Variants in ASB14 observed in about 807,000 individuals in gnomAD.
The protein encoded by ASB14 is ankyrin repeat and SOCS box protein 14.
A neutral mutation model predicts 55.6 loss-of-function variants in ASB14; 63 were observed. That is an observed-to-expected ratio of 1.13 (90% CI 0.92 to 1.40). ASB14 has a LOEUF of 1.40. Ranked by LOEUF, ASB14 falls within the 40% of genes most tolerant of loss-of-function variation. ASB14 has a pLI of 0.00. For missense variants in ASB14, 724 were observed against 710.4 expected, an observed-to-expected ratio of 1.02 and a Z score of -0.22; for synonymous variants, 256 against 259.9, an observed-to-expected ratio of 0.98 and a Z score of 0.15.
intron 5 of ASB14, among the ~76,000 whole-genome samples, chr3:57,287,022 G>T (rs2061085925): frequency 6.6e-6 from 1 of 151,842 alleles, no homozygotes; most frequent in Non-Finnish European, 1.5e-5. Flanking sequence ...TTCTAATTTT[G>T]CTAACATCTT....
rs11323278 is a variant in ASB14, at chr3:57,275,451, C to CA, written c.*22+1076dup. 2.5e-3 allele frequency among the ~76,000 whole-genome samples: 285 copies of CA among 114,428 alleles called. 1 individual carries two copies. The highest frequency in any genetic ancestry group is 0.011 in the East Asian group (31 of 2,846). The allele number at this position is 114,428 out of a possible 152,430, so 75.1% of individuals were successfully genotyped here. On this transcript the variant is annotated intron_variant, in intron 10 of 10. Coordinates refer to ENST00000487349, the MANE Select transcript of ASB14 (RefSeq NM_001142733.3). ...TGGGTGACAGGACAAGACTCCATCT[C>CA]AAAAAAAAAAAAAAAAAAGTATTAA...
intron 10 of ASB14, chr3:57,269,845 A>C: frequency 1.2e-6 from 1 of 856,700 alleles, no homozygotes; most frequent in Non-Finnish European, 1.7e-6. Context: ...GAACTTGATG[A>C]CTTAGGTTTG....
intron 1 of ASB14, 122 bp from the exon 2 acceptor site, chr3:57,292,226 T>G: frequency 1.6e-6 from 1 of 632,416 alleles, no homozygotes; most frequent in Non-Finnish European, 2.4e-6. Flanking sequence ...TAAAAAAGTT[T>G]TGTGGACTGC....
intron 7 of ASB14, among the ~76,000 whole-genome samples, chr3:57,279,982 C>G (rs2061025571): frequency 6.6e-6 from 1 of 151,784 alleles, no homozygotes. Context: ...TAAACCTGTA[C>G]TAAATAAATG....
chr3:57,274,104 A>ATAATT (rs1280100935), intron 10 of ASB14, among the ~76,000 whole-genome samples: 6 of 152,186 alleles, frequency 3.9e-5, no homozygotes, highest in Admixed American at 3.9e-4. Context: ...AACTATAAAA[A>ATAATT]TAATTTAAAG....
chr3:57,279,532 C>G (rs904510798), intron 7 of ASB14, among the ~76,000 whole-genome samples: 2 of 151,914 alleles, frequency 1.3e-5, no homozygotes, highest in Admixed American at 6.6e-5. Context: ...AACCCCATCT[C>G]TACTAAAAAT....
Position 57,289,118 on chromosome 3 carries a change from T to C in ASB14, c.128A>G (p.His43Arg), listed in dbSNP as rs2061107778. ...CTTATAGTCAGCGCTCAAAAAGGAA[T>C]GCAAACTGCAAAGAAAAAAATACAT... The part of the protein sequence containing the change: ...AQHAPKDESL[H>R]SFLSADYKKI... Residue 43 changes from histidine (H) to arginine (R), a missense_variant, in exon 3 of 11, where the codon CAT becomes CGT. Coordinates refer to ENST00000487349, the MANE Select transcript of ASB14 (RefSeq NM_001142733.3). 7 of 1,526,410 alleles carry C rather than the reference T, an allele frequency of 4.6e-6. No homozygotes were observed. The highest frequency in any genetic ancestry group is 6.2e-6 in the Non-Finnish European group (7 of 1,137,292). 94.6% of individuals were successfully genotyped at this position (1,526,410 alleles called of 1,614,324 possible). A position where few individuals can be genotyped will look rare whatever the true frequency, so the allele number is the denominator to read the frequency against.
intron 10 of ASB14, among the ~76,000 whole-genome samples, chr3:57,274,280 C>T (rs558346133): frequency 4.6e-5 from 7 of 152,260 alleles, no homozygotes; most frequent in Admixed American, 1.3e-4. Flanking sequence ...TGAAAATGGA[C>T]GATATCATTC....
intron 5 of ASB14, among the ~76,000 whole-genome samples, chr3:57,286,280 T>G (rs1046175079): frequency 1.3e-5 from 2 of 152,128 alleles, no homozygotes; most frequent in Non-Finnish European, 2.9e-5. Flanking sequence ...TTGTCTTTTT[T>G]TTTTTCAGCT....
Position 57,269,464 on chromosome 3 carries a change from A to G in ASB14, c.*177T>C, listed in dbSNP as rs1173004370. 1 of 1,492,850 alleles carries G rather than the reference A, an allele frequency of 6.7e-7. No homozygotes were observed. The highest frequency in any genetic ancestry group is 9.1e-7 in the Non-Finnish European group (1 of 1,097,654). 92.5% of individuals were successfully genotyped at this position (1,492,850 alleles called of 1,614,324 possible). ...TTTATGACAGAAGAAGTGGCTCTCA[A>G]GAATGTATCTTAACTGCATAATTTG... On this transcript the variant is annotated 3_prime_UTR_variant, in exon 11 of 11. Coordinates refer to ENST00000487349, the MANE Select transcript of ASB14 (RefSeq NM_001142733.3).
intron 10 of ASB14, chr3:57,269,868 T>C: frequency 3.0e-6 from 2 of 670,670 alleles, no homozygotes; most frequent in South Asian, 5.0e-5. Flanking sequence ...TTGATCTTTT[T>C]TCCCCCTTAA....
chr3:57,276,446 T>A, intron 10 of ASB14, 82 bp downstream of exon 10: 2 of 1,012,152 alleles, frequency 2.0e-6, no homozygotes, highest in Non-Finnish European at 1.4e-6. Flanking sequence ...TAGACTGCAT[T>A]GAGATTTTAG....
At chr3:57,280,840 A>G (rs2107623804) in intron 6 of ASB14, among the ~76,000 whole-genome samples, 1 of 152,330 alleles carries the variant, frequency 6.6e-6, no homozygotes, top group East Asian at 1.9e-4. Flanking sequence ...TAACAAATCT[A>G]TCAAACTATA....
intron 6 of ASB14, among the ~76,000 whole-genome samples, chr3:57,281,828 C>T (rs188059297): frequency 1.2e-3 from 185 of 152,264 alleles, no homozygotes; most frequent in Middle Eastern, 3.4e-3. Context: ...CATGTTGCCA[C>T]TCTAGCAATG....
rs550795726 is a variant in ASB14, at chr3:57,278,462, C to T, written c.1346G>A (p.Arg449Gln). The T allele has an allele frequency of 6.2e-6, 10 of 1,614,182 alleles. No homozygotes were observed. Among genetic ancestry groups the T allele is most frequent in the East Asian group, 2.2e-5 (1 of 44,880 alleles). ...MLLNYGYDTE[R>Q]CFDCPHGDKV... ...GTCTCCATGTGGGCAATCAAAACAT[C>T]GCTCTGTGTCATACCCATAGTTCAG... The change falls in exon 8 of 11, where the codon CGA becomes CAA. Residue 449 changes from arginine (R) to glutamine (Q), a missense_variant. Coordinates refer to ENST00000487349, the MANE Select transcript of ASB14 (RefSeq NM_001142733.3).
intron 2 of ASB14, among the ~76,000 whole-genome samples, chr3:57,291,430 G>T (rs2061127308): frequency 6.6e-6 from 1 of 151,848 alleles, no homozygotes; most frequent in South Asian, 2.1e-4. Flanking sequence ...TTTCAGTGTT[G>T]TCCAACAAAA....
chr3:57,281,249 C>A (rs1379614328), intron 6 of ASB14, among the ~76,000 whole-genome samples: 4 of 151,582 alleles, frequency 2.6e-5, no homozygotes, highest in African/African-American at 7.3e-5. Flanking sequence ...TTAACTTACA[C>A]CCTGTATGTT....
At chr3:57,283,660 GTAAT>G (rs1166793843) in intron 5 of ASB14, among the ~76,000 whole-genome samples, 2 of 152,080 alleles carry the variant, frequency 1.3e-5, no homozygotes, top group African/African-American at 4.8e-5. Context: ...TAAGCCATGA[GTAAT>G]TATTCATTGC....
chr3:57,289,550 A>T (rs1372038388), intron 2 of ASB14, among the ~76,000 whole-genome samples: 4 of 152,124 alleles, frequency 2.6e-5, no homozygotes, highest in African/African-American at 9.7e-5. Context: ...TGTCAGTATT[A>T]AAAAATATTC....
Sources: gnomAD v4.1 joint callset for allele counts (sites outside exome capture counted in the v4.1 genomes callset) on GRCh38, gnomAD v4.1.1 for gene constraint, MANE v1.5 for transcripts, NCBI Gene and HGNC (gene_info 2026-07-23, HGNC 2026-07-21) for gene names.